Variants in CHRNB4 observed in about 807,000 individuals in gnomAD.
CHRNB4 encodes cholinergic receptor nicotinic beta 4 subunit, also known as neuronal acetylcholine receptor subunit beta-4.
A neutral mutation model predicts 40.4 loss-of-function variants in CHRNB4; 23 were observed. The observed-to-expected ratio is 0.57, with a 90% CI of 0.41 to 0.81. The LOEUF is 0.81. Among genes scored for constraint, CHRNB4 ranks in the 30% least tolerant of loss-of-function variants. CHRNB4 has a pLI of 0.00. For missense variants in CHRNB4, 568 were observed against 670.6 expected (o/e 0.85, Z 1.69); for synonymous variants, 285 against 274.4 (o/e 1.04, Z -0.38).
intron 6 of CHRNB4, among the ~76,000 whole-genome samples, chr15:78,650,377 G>T (rs1201644428): frequency 6.6e-6 from 1 of 152,324 alleles, no homozygotes; most frequent in East Asian, 1.9e-4. Flanking sequence ...AGATCTCATG[G>T]TGTCCAAGGA....
At chr15:78,625,614 G>A (rs866567942) in intron 5 of CHRNB4, among the ~76,000 whole-genome samples, 1 of 152,318 alleles carries the variant, frequency 6.6e-6, no homozygotes, top group Middle Eastern at 3.4e-3. Context: ...TTATACATAG[G>A]AGATAGGGCC....
rs373488586 is a variant in CHRNB4, at chr15:78,629,249, G to A, written c.1056C>T (p.Pro352=). 32 of 1,613,168 alleles carry A rather than the reference G, an allele frequency of 2.0e-5. No homozygotes were observed. The highest frequency in any genetic ancestry group is 2.5e-5 in the Non-Finnish European group (29 of 1,179,518). Residue 352 remains proline (P), a synonymous_variant, in exon 5 of 6, where the codon CCC becomes CCT. Coordinates refer to ENST00000261751, the MANE Select transcript of CHRNB4 (RefSeq NM_000750.5). This position sits in a 1 kb window ranked among gnomAD's most constrained non-coding sequence, Gnocchi z 6.8. ...GGAAGGCTCTGGCCGGGCTGCTGTC[G>A]GGGCCAGGGCGCTTCATGAAGAGGA... ...PTFLFMKRPG[P]DSSPARAFPP...
At position 78,641,071 on chromosome 15, in the gene CHRNB4, G is replaced by A; in HGVS notation, c.55+8C>T. The A allele has an allele frequency of 6.4e-7, 1 of 1,574,654 alleles. No individual in the cohort carries two copies. Among genetic ancestry groups the A allele is most frequent in the Non-Finnish European group, 8.6e-7 (1 of 1,160,458 alleles). ...GCGCCCCTCCCTCCTTCCCCGAAAAGAACTCACCGCGCCCGCAAAGGGCGA... is the reference window on the plus strand; with the variant it reads ...GCGCCCCTCCCTCCTTCCCCGAAAAAAACTCACCGCGCCCGCAAAGGGCGA... On this transcript the variant is annotated splice_region_variant and intron_variant, in intron 1 of 5. Coordinates refer to ENST00000261751, the MANE Select transcript of CHRNB4 (RefSeq NM_000750.5).
chr15:78,651,623 A>G (rs919931366), intron 6 of CHRNB4, among the ~76,000 whole-genome samples: 1 of 152,066 alleles, frequency 6.6e-6, no homozygotes, highest in Non-Finnish European at 1.5e-5. Context: ...TCTACTTCCC[A>G]GCCCCTCCAC....
chr15:78,641,266 C>G, upstream of CHRNB4: 1 of 739,570 alleles, frequency 1.4e-6, no homozygotes. Flanking sequence ...ACTAGGACCC[C>G]GCGGAGAGCC....
intron 2 of CHRNB4, among the ~76,000 whole-genome samples, chr15:78,632,591 A>C (rs1289936231): frequency 6.6e-6 from 1 of 152,070 alleles, no homozygotes. Context: ...CATTACAGGT[A>C]CAAGCCACCT....
In CHRNB4 at chr15:78,629,146, T is replaced by C. The variant is rs1378555087; in HGVS notation, c.1159A>G (p.Met387Val). Residue 387 changes from methionine (M) to valine (V), a missense_variant, in exon 5 of 6, where the codon ATG (methionine) becomes GTG (valine). Physicochemically the swap from Met to Val is conservative, Grantham distance 21. Transcript: ENST00000261751. The surrounding 1 kb of genome is among the most constrained non-coding windows in gnomAD (Gnocchi z 6.8). ...GCAGAGGCGGGGTTCACAAAGTACA[T>C]GGAGTTCCCATAGAAGTTGGAGGGG... ...TSPSNFYGNS[M>V]YFVNPASAAS... 1 of 1,614,094 alleles carries C rather than the reference T, an allele frequency of 6.2e-7. No homozygotes were observed. Among genetic ancestry groups the C allele is most frequent in the South Asian group, 1.1e-5 (1 of 91,074 alleles).
chr15:78,648,797 G>C (rs1165883199), intron 7 of CHRNB4, among the ~76,000 whole-genome samples: 1 of 144,918 alleles, frequency 6.9e-6, no homozygotes, highest in Non-Finnish European at 1.5e-5. Context: ...TTGTTATTTT[G>C]AGACAGGGTC....
chr15:78,641,210 T>G lies in CHRNB4; in HGVS notation c.-77A>C. 1 of 1,324,286 alleles carries G rather than the reference T, an allele frequency of 7.6e-7. No homozygotes were observed. The highest frequency in any genetic ancestry group is 1.6e-5 in the African/African-American group (1 of 63,744). The allele number at this position is 1,324,286 out of a possible 1,614,324, so 82.0% of individuals were successfully genotyped here. ...GGCACCCGTGAGCCGCGCGGTCGAG[T>G]GAGCGCCGGTCCTGGCCCCCGAGGT... is the stretch of plus-strand genomic sequence containing the variant. On this transcript the variant is annotated 5_prime_UTR_variant, in exon 1 of 6. Coordinates refer to ENST00000261751, the MANE Select transcript of CHRNB4 (RefSeq NM_000750.5).
At position 78,629,603 on chromosome 15, in the gene CHRNB4, G is replaced by A. The variant is rs772161890; in HGVS notation, c.702C>T (p.Phe234=). The change falls in exon 5 of 6, where the codon TTC becomes TTT. Residue 234 remains phenylalanine, a synonymous_variant. Coordinates refer to ENST00000261751, the MANE Select transcript of CHRNB4 (RefSeq NM_000750.5). The surrounding 1 kb of genome is among the most constrained non-coding windows in gnomAD (Gnocchi z 6.8). ...AGGGGATGATGAGGTTGATGGTGTAGAACAGAGGCTTGCGCTTGATGATGA... is the reference window on the plus strand; with the variant it reads ...AGGGGATGATGAGGTTGATGGTGTAAAACAGAGGCTTGCGCTTGATGATGA... ...YDFIIKRKPL[F]YTINLIIPCV... is the part of the protein sequence containing the mutation. The A allele has an allele frequency of 2.5e-5, 41 of 1,614,038 alleles. No homozygotes were observed. In the South Asian group the frequency reaches 4.4e-4, roughly 17 times the overall value.
At chr15:78,661,388 C>T (rs1432802633), upstream of CHRNB4, 8 of 526,498 alleles carry the variant, frequency 1.5e-5, no homozygotes, top group Non-Finnish European at 2.6e-5. Context: ...TTTGTTTTCC[C>T]GGCCAGGAAG....
At chr15:78,630,444 G>A (rs139389529) in intron 4 of CHRNB4, among the ~76,000 whole-genome samples, 460 of 152,200 alleles carry the variant, frequency 3.0e-3, no homozygotes, top group African/African-American at 0.01. Context: ...GGCCCATCAA[G>A]CACTCTTAAG....
At chr15:78,646,057 C>T (rs371228133), upstream of CHRNB4, among the ~76,000 whole-genome samples, 1 of 113,614 alleles carries the variant, frequency 8.8e-6, no homozygotes, top group Non-Finnish European at 1.8e-5. Flanking sequence ...GAGACCGTCT[C>T]AAAAAAAAAA....
chr15:78,635,451 C>T lies in CHRNB4; in HGVS notation c.192G>A (p.Gln64=). The change falls in exon 2 of 6, where the codon CAG becomes CAA. Residue 64 remains glutamine (Q), a synonymous_variant. Transcript: ENST00000261751. ...CCTCTGCACCTACCACGCTGATAAG[C>T]TGGGCCAGGGAGAGCTGCAGCTTGA... ...ISIKLQLSLA[Q]LISVNEREQI... 1 of 1,613,944 alleles carries T rather than the reference C, an allele frequency of 6.2e-7. No homozygotes were observed. The highest frequency in any genetic ancestry group is 8.5e-7 in the Non-Finnish European group (1 of 1,179,984).
upstream of CHRNB4, among the ~76,000 whole-genome samples, chr15:78,644,038 C>T (rs993205766): frequency 2.0e-5 from 3 of 150,578 alleles, no homozygotes; most frequent in East Asian, 1.9e-4. Flanking sequence ...TGGCGGGTAC[C>T]TGTAGTTCCA....
intron 1 of CHRNB4, among the ~76,000 whole-genome samples, chr15:78,638,454 G>A (rs2054000053): frequency 6.6e-6 from 1 of 152,254 alleles, no homozygotes; most frequent in Non-Finnish European, 1.5e-5. Context: ...GAGGAACCAG[G>A]TATAGGAGCC....
chr15:78,656,312 G>A (rs537616278), exon 4 of CHRNB4: 29 of 144,846 alleles, frequency 2.0e-4, no homozygotes, highest in Non-Finnish European at 3.6e-4. Flanking sequence ...ACTCCAGCCT[G>A]GGCAAGAGAG....
At chr15:78,660,819 G>A (rs1361402308), upstream of CHRNB4, 1 of 305,436 alleles carries the variant, frequency 3.3e-6, no homozygotes, top group South Asian at 3.4e-5. Context: ...GAGAGGCGGG[G>A]CTAGGGTGGG....
At chr15:78,659,828 G>T (rs1428767066) in intron 1 of CHRNB4, among the ~76,000 whole-genome samples, 2 of 152,168 alleles carry the variant, frequency 1.3e-5, no homozygotes, top group African/African-American at 2.4e-5. Context: ...GCTTTAATTG[G>T]CTTGTTTTAG....
Sources: allele counts gnomAD v4.1 joint callset (sites outside exome capture counted in the v4.1 genomes callset), GRCh38; gene constraint gnomAD v4.1.1; non-coding constraint Gnocchi (gnomAD v3.1); transcripts MANE v1.5; gene names NCBI Gene and HGNC (gene_info 2026-07-23, HGNC 2026-07-21).